RYR2: variants seen among roughly 807,000 people sequenced by gnomAD.
RYR2 encodes the protein ryanodine receptor 2, also known as cardiac muscle ryanodine receptor-calcium release channel.
A neutral mutation model predicts 601.1 loss-of-function variants in RYR2; 227 were observed. That is an observed-to-expected ratio of 0.38 (90% CI 0.34 to 0.42). The LOEUF is 0.42. RYR2 is among the 10% of genes least tolerant of loss of function. RYR2 has a pLI of 1.00. For synonymous variants in RYR2, 2,223 were observed against 2,175.1 expected (o/e 1.02, Z -0.61); for missense variants, 4,646 against 6,156.5 (o/e 0.75, Z 8.21).
intron 1 of RYR2, among the ~76,000 whole-genome samples, chr1:237,137,208 A>T (rs1318614109): frequency 6.6e-6 from 1 of 152,016 alleles, no homozygotes; most frequent in East Asian, 1.9e-4. Flanking sequence ...CAGTCCCCTT[A>T]AGGAACAATT....
chr1:237,217,224 A>T (rs1477340399), intron 1 of RYR2, among the ~76,000 whole-genome samples: 1 of 152,142 alleles, frequency 6.6e-6, no homozygotes, highest in African/African-American at 2.4e-5. Flanking sequence ...ACATCATTGC[A>T]TTATTATAAT....
At chr1:237,602,885 G>A (rs964265331) in intron 35 of RYR2, among the ~76,000 whole-genome samples, 7 of 152,170 alleles carry the variant, frequency 4.6e-5, no homozygotes, top group Non-Finnish European at 8.8e-5. Context: ...GCAAGAATGA[G>A]AATAATCAGT....
intron 1 of RYR2, among the ~76,000 whole-genome samples, chr1:237,045,409 C>T (rs1660454629): frequency 6.6e-6 from 1 of 152,126 alleles, no homozygotes; most frequent in Non-Finnish European, 1.5e-5. Context: ...TCTGGCATCT[C>T]TGTTCCATTT....
At chr1:237,665,846 C>A (rs998302414) in intron 56 of RYR2, among the ~76,000 whole-genome samples, 1 of 152,036 alleles carries the variant, frequency 6.6e-6, no homozygotes, top group Non-Finnish European at 1.5e-5. Flanking sequence ...TGGAAAATAT[C>A]AAGATATAGT....
chr1:237,423,077 A>C lies in RYR2; in HGVS notation c.849-15A>C. Reference sequence around the variant, plus strand: ...TGTGGGTGCTATTGGATCAAGTCCTAACTGTTTTCATTAGGTGGAGTGGAA... The same window carrying C: ...TGTGGGTGCTATTGGATCAAGTCCTCACTGTTTTCATTAGGTGGAGTGGAA... On this transcript the variant is annotated splice_polypyrimidine_tract_variant and intron_variant, in intron 11 of 104. Transcript: ENST00000366574. 1.2e-6 allele frequency: 2 copies of C among 1,609,208 alleles called. No individual in the cohort carries two copies. The highest frequency in any genetic ancestry group is 1.7e-6 in the Non-Finnish European group (2 of 1,178,514).
chr1:237,546,981 ATATATATATATATATT>A, intron 25 of RYR2, among the ~76,000 whole-genome samples: 1 of 112,186 alleles, frequency 8.9e-6, no homozygotes, highest in Non-Finnish European at 2.0e-5. Flanking sequence ...AAAAGCATAT[ATATATATATATATATT>A]TATTTATTTA....
intron 10 of RYR2, among the ~76,000 whole-genome samples, chr1:237,393,245 T>C (rs1434488678): frequency 2.0e-5 from 3 of 152,200 alleles, no homozygotes; most frequent in Admixed American, 1.3e-4. Flanking sequence ...AAGTCATAGT[T>C]TCTGACAGTA....
At chr1:237,377,293 T>G (rs1701121521) in intron 7 of RYR2, 30 bp from the exon 8 acceptor site, 4 of 1,524,760 alleles carry the variant, frequency 2.6e-6, no homozygotes, top group Non-Finnish European at 3.6e-6. Context: ...GAGGAACTTT[T>G]TCATGTTTCA....
chr1:237,794,993 C>CTGA (rs1350687468), intron 95 of RYR2, among the ~76,000 whole-genome samples: 1 of 152,116 alleles, frequency 6.6e-6, no homozygotes, highest in Non-Finnish European at 1.5e-5. Context: ...GGTCTATGTA[C>CTGA]TGATATGTTA....
At chr1:237,761,150 A>G in intron 84 of RYR2, 122 bp downstream of exon 84, 1 of 675,286 alleles carries the variant, frequency 1.5e-6, no homozygotes, top group Non-Finnish European at 2.6e-6. Context: ...AAATGCTTAC[A>G]TGACTCATTT....
intron 12 of RYR2, among the ~76,000 whole-genome samples, chr1:237,440,255 C>T (rs1398859585): frequency 1.3e-5 from 2 of 152,108 alleles, no homozygotes; most frequent in African/African-American, 4.8e-5. Context: ...GTTTAGCAGA[C>T]ATACATTTTA....
intron 29 of RYR2, among the ~76,000 whole-genome samples, chr1:237,582,765 A>G (rs953875638): frequency 6.6e-6 from 1 of 152,048 alleles, no homozygotes; most frequent in Admixed American, 6.6e-5. Context: ...TTATAGCTGC[A>G]TAGTATTTCA....
intron 16 of RYR2, among the ~76,000 whole-genome samples, chr1:237,466,190 G>A (rs953194257): frequency 2.0e-5 from 3 of 151,984 alleles, no homozygotes; most frequent in Non-Finnish European, 4.4e-5. Context: ...TTTTGAGATA[G>A]GGTCTCACTC....
intron 100 of RYR2, among the ~76,000 whole-genome samples, chr1:237,810,333 G>A (rs1288523822): frequency 3.9e-5 from 6 of 152,046 alleles, no homozygotes; most frequent in Non-Finnish European, 7.4e-5. Flanking sequence ...GACAATTCAC[G>A]GTAAAATTAA....
chr1:237,623,378 TCTTTC>T (rs1679281372), intron 38 of RYR2, among the ~76,000 whole-genome samples: 5 of 80,304 alleles, frequency 6.2e-5, no homozygotes, highest in African/African-American at 1.9e-4. Flanking sequence ...TTTCTTTCTT[TCTTTC>T]TTTTTTTTTT....
At chr1:237,222,499 C>G (rs1683931663) in intron 1 of RYR2, among the ~76,000 whole-genome samples, 1 of 151,840 alleles carries the variant, frequency 6.6e-6, no homozygotes. Flanking sequence ...TGTTATGGCT[C>G]TTCAAACATA....
chr1:237,273,611 C>G (rs1309188240), intron 2 of RYR2, among the ~76,000 whole-genome samples: 2 of 151,932 alleles, frequency 1.3e-5, no homozygotes, highest in Non-Finnish European at 2.9e-5. Context: ...GTATGACTAC[C>G]AAAAATGGGA....
At chr1:237,342,313 ATTTTTTT>A (rs201847873) in intron 3 of RYR2, among the ~76,000 whole-genome samples, 15 of 130,246 alleles carry the variant, frequency 1.2e-4, no homozygotes, top group South Asian at 2.5e-4. Flanking sequence ...TGGCTAATTA[ATTTTTTT>A]TTTTTTTTTT....
intron 97 of RYR2, chr1:237,800,175 A>C (rs1659794755): frequency 6.6e-6 from 1 of 152,206 alleles, no homozygotes; most frequent in Non-Finnish European, 1.5e-5. Context: ...AAATAAAATA[A>C]ATAAGAAACC....
Sources: gnomAD v4.1 joint callset for allele counts (sites outside exome capture counted in the v4.1 genomes callset) on GRCh38, gnomAD v4.1.1 for gene constraint, MANE v1.5 for transcripts, NCBI Gene and HGNC (gene_info 2026-07-23, HGNC 2026-07-21) for gene names.